DEUP1: variants seen among roughly 807,000 people sequenced by gnomAD.
DEUP1 encodes the protein deuterosome assembly protein 1.
DEUP1 carries 82 observed loss-of-function variants against 87.4 expected under a neutral mutation model. The observed-to-expected ratio is 0.94, with a 90% CI of 0.78 to 1.13. DEUP1 has a LOEUF of 1.13. Among genes scored for constraint, DEUP1 ranks in the 50% most tolerant of loss-of-function variants. DEUP1 has a pLI of 0.00. For missense variants in DEUP1, 663 were observed against 681.5 expected (o/e 0.97, Z 0.30); for synonymous variants, 214 against 222.7 (o/e 0.96, Z 0.35).
chr11:93,367,781 C>T (rs1227657108), intron 5 of DEUP1, among the ~76,000 whole-genome samples: 1 of 152,134 alleles, frequency 6.6e-6, no homozygotes, highest in Non-Finnish European at 1.5e-5. Flanking sequence ...GACTTAGTAG[C>T]TATAAAGTTT....
At chr11:93,403,818 T>G (rs919266031) in intron 11 of DEUP1, among the ~76,000 whole-genome samples, 3 of 151,940 alleles carry the variant, frequency 2.0e-5, no homozygotes, top group Non-Finnish European at 4.4e-5. Flanking sequence ...AAATCCATAA[T>G]TAGTTAATTC....
At chr11:93,385,213 C>T (rs1946484095) in intron 7 of DEUP1, among the ~76,000 whole-genome samples, 185 bp from the exon 8 acceptor site, 1 of 151,202 alleles carries the variant, frequency 6.6e-6, no homozygotes, top group Admixed American at 6.6e-5. Flanking sequence ...AGTGAGACTC[C>T]ATCTCAGAAA....
chr11:93,398,088 C>A (rs921841602), intron 11 of DEUP1, among the ~76,000 whole-genome samples: 2 of 151,930 alleles, frequency 1.3e-5, no homozygotes, highest in Admixed American at 6.6e-5. Flanking sequence ...TTATTTTAAA[C>A]TTTTTCAGAT....
At chr11:93,417,371 T>A (rs1271757634) in intron 13 of DEUP1, among the ~76,000 whole-genome samples, 8 of 151,374 alleles carry the variant, frequency 5.3e-5, no homozygotes, top group Non-Finnish European at 1.2e-4. Flanking sequence ...TCACAAGCAT[T>A]CTTATACACC....
intron 2 of DEUP1, among the ~76,000 whole-genome samples, chr11:93,339,573 G>A (rs1943953353): frequency 6.6e-6 from 1 of 152,144 alleles, no homozygotes; most frequent in Non-Finnish European, 1.5e-5. Flanking sequence ...AGAAACAGGT[G>A]GCATATGAGG....
At chr11:93,397,819 C>T (rs1946986302) in intron 11 of DEUP1, among the ~76,000 whole-genome samples, 1 of 152,164 alleles carries the variant, frequency 6.6e-6, no homozygotes, top group Admixed American at 6.5e-5. Context: ...TATTCCAAAA[C>T]TGCCTTTTGA....
chr11:93,376,028 C>T (rs1045678808), intron 7 of DEUP1, among the ~76,000 whole-genome samples: 10 of 152,198 alleles, frequency 6.6e-5, no homozygotes, highest in African/African-American at 1.9e-4. Context: ...CGGCTCACTG[C>T]AACCTCTGCC....
At chr11:93,344,799 C>T (rs1039690893) in intron 2 of DEUP1, among the ~76,000 whole-genome samples, 1 of 151,126 alleles carries the variant, frequency 6.6e-6, no homozygotes, top group Non-Finnish European at 1.5e-5. Context: ...CATGTCTTGC[C>T]AATGTGAAAA....
At chr11:93,417,007 T>C (rs1467115259) in intron 13 of DEUP1, among the ~76,000 whole-genome samples, 1 of 152,006 alleles carries the variant, frequency 6.6e-6, no homozygotes, top group Non-Finnish European at 1.5e-5. Flanking sequence ...TCTCAATAAA[T>C]TAGGTATACA....
At chr11:93,356,196 G>T (rs1203504727) in intron 3 of DEUP1, among the ~76,000 whole-genome samples, 1 of 152,162 alleles carries the variant, frequency 6.6e-6, no homozygotes, top group African/African-American at 2.4e-5. Context: ...GGAAATGTTT[G>T]CTAGTTATAT....
At chr11:93,353,033 C>G (rs899959749) in intron 2 of DEUP1, among the ~76,000 whole-genome samples, 3 of 152,140 alleles carry the variant, frequency 2.0e-5, no homozygotes, top group Non-Finnish European at 4.4e-5. Context: ...ACAGCATTAA[C>G]CCAAAAATCC....
intron 13 of DEUP1, among the ~76,000 whole-genome samples, chr11:93,418,745 C>T (rs1368043033): frequency 7.8e-4 from 118 of 151,766 alleles, no homozygotes; most frequent in African/African-American, 2.5e-3. Flanking sequence ...ATGTTTATTG[C>T]GGCACTATTC....
intron 13 of DEUP1, among the ~76,000 whole-genome samples, chr11:93,419,088 C>T (rs12287950): frequency 0.011 from 1,631 of 151,042 alleles, 33 homozygotes; most frequent in African/African-American, 0.037. Flanking sequence ...TGCTAGATGA[C>T]GAGTTAGTGG....
intron 2 of DEUP1, among the ~76,000 whole-genome samples, chr11:93,349,503 T>C (rs1258376196): frequency 6.6e-6 from 1 of 152,130 alleles, no homozygotes; most frequent in African/African-American, 2.4e-5. Flanking sequence ...AAAGGATCTG[T>C]GAGACCCCCT....
chr11:93,389,258 AAG>A (rs1946693272), intron 9 of DEUP1, 133 bp downstream of exon 9: 1 of 633,350 alleles, frequency 1.6e-6, no homozygotes, highest in Non-Finnish European at 2.8e-6. Flanking sequence ...ATAATCTACC[AAG>A]CTGCTAATTC....
Position 93,371,220 on chromosome 11 carries a change from A to G in DEUP1, c.729A>G (p.Lys243=), listed in dbSNP as rs755298974. The stretch of plus-strand genomic sequence containing the variant: ...ATGAGATAGCACTAAGCAGGAATAA[A>G]TTACAAGATGAAAATCAGAAGCTCT... ...AVNEIALSRN[K]LQDENQKLLQ... Residue 243 remains lysine, a synonymous_variant, in exon 7 of 14, where the codon AAA becomes AAG. Transcript: ENST00000298050. The G allele has an allele frequency of 6.2e-7, 1 of 1,613,406 alleles. No individual in the cohort carries two copies. Among genetic ancestry groups the G allele is most frequent in the South Asian group, 1.1e-5 (1 of 90,908 alleles).
rs564981783 is a variant in DEUP1, at chr11:93,356,215, A to T, written c.201+673A>T. Among the ~76,000 whole-genome samples, 12 of 152,364 alleles carry T rather than the reference A, an allele frequency of 7.9e-5. No individual in the cohort carries two copies. The South Asian group carries it at 8.3e-4, about 11-fold the overall frequency. The stretch of plus-strand genomic sequence containing the variant: ...ATGTTTGCTAGTTATATACCGTAAC[A>T]AAACATCATTAGTTAACTTGTTCAT... On this transcript the variant is annotated intron_variant, in intron 3 of 13. Transcript: ENST00000298050.
At chr11:93,399,272 G>A (rs564736763) in intron 11 of DEUP1, among the ~76,000 whole-genome samples, 47 of 151,296 alleles carry the variant, frequency 3.1e-4, no homozygotes, top group Non-Finnish European at 4.3e-4. Flanking sequence ...TTTATTTTGC[G>A]TGGGATATAA....
intron 2 of DEUP1, among the ~76,000 whole-genome samples, chr11:93,338,939 C>T (rs975526683): frequency 2.0e-5 from 3 of 152,112 alleles, no homozygotes; most frequent in Non-Finnish European, 2.9e-5. Context: ...TGAGGACTTG[C>T]CTTTTTAATT....
Sources: allele counts gnomAD v4.1 joint callset (sites outside exome capture counted in the v4.1 genomes callset), GRCh38; gene constraint gnomAD v4.1.1; transcripts MANE v1.5; gene names NCBI Gene and HGNC (gene_info 2026-07-23, HGNC 2026-07-21).